SGCD: variants seen among roughly 807,000 people sequenced by gnomAD.
The protein encoded by SGCD is sarcoglycan delta, also known as delta-sarcoglycan.
SGCD carries 18 observed loss-of-function variants against 36.6 expected under a neutral mutation model. The ratio of observed to expected loss-of-function variants is 0.49; its 90% CI spans 0.34 to 0.73. The LOEUF is 0.73. Among genes scored for constraint, SGCD ranks in the 30% least tolerant of loss-of-function variants. The pLI is 0.01. For missense variants in SGCD, 387 were observed against 346.7 expected (o/e 1.12, Z -0.92); for synonymous variants, 133 against 130.6 (o/e 1.02, Z -0.12).
At chr5:156,058,283 C>G (rs1319611932) in intron 1 of SGCD, among the ~76,000 whole-genome samples, 1 of 146,484 alleles carries the variant, frequency 6.8e-6, no homozygotes, top group East Asian at 1.9e-4. Flanking sequence ...CTGTGGGAAA[C>G]TTCAGGAGAC....
At chr5:155,896,388 C>G (rs1324969554) in intron 1 of SGCD, among the ~76,000 whole-genome samples, 2 of 151,046 alleles carry the variant, frequency 1.3e-5, no homozygotes, top group Non-Finnish European at 2.9e-5. Flanking sequence ...GAACTTTCAC[C>G]AGAGTGTTCC....
At chr5:156,071,898 C>G (rs1760578152) in intron 1 of SGCD, among the ~76,000 whole-genome samples, 1 of 152,068 alleles carries the variant, frequency 6.6e-6, no homozygotes, top group Admixed American at 6.5e-5. Context: ...CCTTCTTTGT[C>G]TCTTTTGATC....
At chr5:155,970,465 A>C (rs1757986180) in intron 1 of SGCD, among the ~76,000 whole-genome samples, 1 of 152,198 alleles carries the variant, frequency 6.6e-6, no homozygotes, top group Admixed American at 6.6e-5. Context: ...TTGTAGCAGT[A>C]AACACAGCAA....
chr5:156,275,464 A>G (rs1766292448), intron 3 of SGCD, among the ~76,000 whole-genome samples: 2 of 152,220 alleles, frequency 1.3e-5, no homozygotes, highest in Non-Finnish European at 2.9e-5. Context: ...ACAACATAAA[A>G]TAAGTAAATA....
At chr5:155,785,450 A>C in the SGCD span, among the ~76,000 whole-genome samples, 3 of 152,094 alleles carry the variant, frequency 2.0e-5, no homozygotes, top group Non-Finnish European at 4.4e-5. Context: ...CCTCTCTTCT[A>C]GCTGTGCAAT....
chr5:156,359,521 T>C (rs1450518364), intron 3 of SGCD, among the ~76,000 whole-genome samples: 1 of 152,182 alleles, frequency 6.6e-6, no homozygotes, highest in African/African-American at 2.4e-5. Flanking sequence ...TTCCTAAGGT[T>C]GCAGTAAGTC....
At chr5:156,396,833 T>C (rs369456525) in intron 3 of SGCD, among the ~76,000 whole-genome samples, 25 of 152,300 alleles carry the variant, frequency 1.6e-4, no homozygotes, top group African/African-American at 5.3e-4. Flanking sequence ...ACTATTGTGA[T>C]TCCTATTTCG....
chr5:156,501,883 G>A (rs1355894556), intron 3 of SGCD, among the ~76,000 whole-genome samples: 1 of 152,124 alleles, frequency 6.6e-6, no homozygotes, highest in Non-Finnish European at 1.5e-5. Context: ...TCACTGGACA[G>A]CGCTCATTCA....
intron 6 of SGCD, among the ~76,000 whole-genome samples, chr5:156,609,191 C>T (rs1761649510): frequency 6.6e-6 from 1 of 151,926 alleles, no homozygotes; most frequent in Non-Finnish European, 1.5e-5. Context: ...ACCGGTTGTT[C>T]CTTTCCATGT....
At chr5:155,813,435 G>A in the SGCD span, among the ~76,000 whole-genome samples, 1 of 152,154 alleles carries the variant, frequency 6.6e-6, no homozygotes, top group Non-Finnish European at 1.5e-5. Flanking sequence ...CAAGAGCAAA[G>A]GGTTAGTTGC....
At chr5:156,709,061 G>A (rs556771226) in intron 7 of SGCD, among the ~76,000 whole-genome samples, 7 of 152,200 alleles carry the variant, frequency 4.6e-5, no homozygotes, top group East Asian at 1.9e-4. Context: ...ATTCACAAAG[G>A]GAAATTTATA....
intron 3 of SGCD, among the ~76,000 whole-genome samples, chr5:156,461,437 A>G (rs1288061042): frequency 1.3e-5 from 2 of 152,118 alleles, no homozygotes; most frequent in Non-Finnish European, 2.9e-5. Context: ...ATGAAATGAG[A>G]GTAAATTTAA....
chr5:156,564,200 A>G (rs1333028643), intron 4 of SGCD, among the ~76,000 whole-genome samples: 1 of 152,220 alleles, frequency 6.6e-6, no homozygotes, highest in African/African-American at 2.4e-5. Flanking sequence ...CTGTAATCCC[A>G]GCACTTTGGG....
intron 4 of SGCD, among the ~76,000 whole-genome samples, chr5:156,561,609 A>C (rs1759270064): frequency 6.6e-6 from 1 of 152,182 alleles, no homozygotes; most frequent in Non-Finnish European, 1.5e-5. Flanking sequence ...GCTTTTCTGA[A>C]GGTAGAAATA....
chr5:156,199,370 C>G (rs1764090416), intron 3 of SGCD, among the ~76,000 whole-genome samples: 2 of 152,242 alleles, frequency 1.3e-5, no homozygotes, highest in South Asian at 4.1e-4. Flanking sequence ...AAAATAATGT[C>G]TTCTTCACAG....
intron 3 of SGCD, among the ~76,000 whole-genome samples, chr5:156,201,107 T>C (rs1764138842): frequency 6.6e-6 from 1 of 152,146 alleles, no homozygotes. Context: ...GAAGGAATTA[T>C]TGATTGATGG....
intron 1 of SGCD, among the ~76,000 whole-genome samples, chr5:155,944,627 G>A (rs1561658502): frequency 6.6e-6 from 1 of 152,122 alleles, no homozygotes; most frequent in Non-Finnish European, 1.5e-5. Flanking sequence ...CAACAAATAT[G>A]TATTGAAGAC....
At chr5:155,788,756 A>G in the SGCD span, among the ~76,000 whole-genome samples, 23 of 152,158 alleles carry the variant, frequency 1.5e-4, no homozygotes, top group Non-Finnish European at 2.9e-4. Context: ...AGGGCCTTAT[A>G]CTTTATTTGC....
At position 156,005,266 on chromosome 5, in the gene SGCD, T is replaced by C. The variant is rs10042379; in HGVS notation, c.-281-112612T>C. On this transcript the variant is annotated intron_variant, in intron 1 of 9. Transcript: ENST00000517913. ...CCACTTCCCTTCATCCCAGTCCTAA[T>C]GGGCTTCTGATTGATCTTGCTTTCC... Among the ~76,000 whole-genome samples the C allele has an allele frequency of 2.9e-3, 448 of 152,250 alleles. 2 individuals carry two copies. Among genetic ancestry groups the C allele is most frequent in the African/African-American group, 0.01 (432 of 41,548 alleles).
Sources: allele counts gnomAD v4.1 joint callset (sites outside exome capture counted in the v4.1 genomes callset), GRCh38; gene constraint gnomAD v4.1.1; transcripts MANE v1.5; gene names NCBI Gene and HGNC (gene_info 2026-07-23, HGNC 2026-07-21).